The following DENND4B variants were observed in gnomAD, a reference collection of about 807,000 sequenced individuals.
DENND4B encodes the protein DENN domain-containing protein 4B.
A neutral mutation model predicts 161.0 loss-of-function variants in DENND4B; 67 were observed. The observed-to-expected ratio is 0.42, with a 90% CI of 0.34 to 0.51. The LOEUF is 0.51. Among genes scored for constraint, DENND4B ranks in the 20% least tolerant of loss-of-function variants. DENND4B has a pLI of 0.08. For missense variants in DENND4B, 1,481 were observed against 1,968.0 expected, an observed-to-expected ratio of 0.75 and a Z score of 4.68; for synonymous variants, 753 against 813.8, an observed-to-expected ratio of 0.93 and a Z score of 1.27.
rs1557852421 is a variant in DENND4B at position 153,937,638 on chromosome 1, A to G, written c.2106-24T>C. 1.9e-6 allele frequency: 3 copies of G among 1,611,874 alleles called. No homozygotes were observed. The highest frequency in any genetic ancestry group is 1.7e-6 in the Non-Finnish European group (2 of 1,178,372). On this transcript the variant is annotated intron_variant, in intron 14 of 27. Transcript: ENST00000361217. The surrounding 1 kb of genome is among the most constrained non-coding windows in gnomAD (Gnocchi z 4.7). ...AGCTGGAGGGGCAGAGAGAAGCAAC[A>G]TCGGGGCAGTCAGCACAGGGCGAAG... is the stretch of plus-strand genomic sequence containing the variant.
At chr1:153,935,411 A>G (rs1464331688) in intron 17 of DENND4B, among the ~76,000 whole-genome samples, 2 of 152,186 alleles carry the variant, frequency 1.3e-5, no homozygotes, top group African/African-American at 4.8e-5. Flanking sequence ...CAGTGGCGCA[A>G]TCTTGGCTCA....
chr1:153,932,219 C>G lies in DENND4B; in HGVS notation c.3981G>C (p.Gly1327=). 3 of 1,613,740 alleles carry G rather than the reference C, an allele frequency of 1.9e-6. No homozygotes were observed. Among genetic ancestry groups the G allele is most frequent in the Non-Finnish European group, 2.5e-6 (3 of 1,179,776 alleles). Residue 1327 remains glycine (G), a synonymous_variant, in exon 24 of 28, where the codon GGG becomes GGC. Transcript: ENST00000361217. The surrounding 1 kb of genome is among the most constrained non-coding windows in gnomAD (Gnocchi z 5.8). The part of the protein sequence containing the change: ...LPGLVLASCD[G]PSHSQAPSPW... Reference sequence around the variant, plus strand: ...GGGCACTGACCTGGGAGTGCGAAGGCCCATCACAGGAGGCCAGCACCAGGC... The same window carrying G: ...GGGCACTGACCTGGGAGTGCGAAGGGCCATCACAGGAGGCCAGCACCAGGC...
Position 153,930,658 on chromosome 1 carries a change from C to T in DENND4B, c.4280+34G>A, listed in dbSNP as rs1290138921. ...GAGAAAAGGGGTGTGGAGCCCCGGA[C>T]AGACCAGGGATCACCCAGATGGTAG... On this transcript the variant is annotated intron_variant, in intron 26 of 27. Transcript: ENST00000361217. The surrounding 1 kb of genome is among the most constrained non-coding windows in gnomAD (Gnocchi z 4.7). The T allele has an allele frequency of 6.2e-7, 1 of 1,613,556 alleles. No homozygotes were observed. The highest frequency in any genetic ancestry group is 1.6e-4 in the Middle Eastern group (1 of 6,062).
At chr1:153,941,578 C>A in intron 6 of DENND4B, 138 bp from the exon 7 acceptor site, 1 of 1,162,430 alleles carries the variant, frequency 8.6e-7, no homozygotes, top group Non-Finnish European at 1.2e-6. Context: ...TATCAGCCAA[C>A]AGAACCTCCA....
At chr1:153,941,784 C>G (rs1359037498) in intron 6 of DENND4B, 85 bp downstream of exon 6, 1 of 1,041,134 alleles carries the variant, frequency 9.6e-7, no homozygotes, top group Non-Finnish European at 1.4e-6. Context: ...AGCCCTCCCC[C>G]CACCCACATC....
chr1:153,940,915 C>A lies in DENND4B; in HGVS notation c.1315G>T (p.Ala439Ser). Residue 439 changes from alanine to serine, a missense_variant, in exon 9 of 28, where the codon GCC becomes TCC. This residue lies in a region of DENND4B where 806 missense variants were observed against 1,134.4 expected (regional missense o/e 0.71). Transcript: ENST00000361217. This position sits in a 1 kb window ranked among gnomAD's most constrained non-coding sequence, Gnocchi z 5.6. The stretch of plus-strand genomic sequence containing the variant: ...GGGGCGGCACTCACCGAGACGAGGG[C>A]CTCACAGACGCTGGTGAGCAGGTCT... ...RPDLLTSVCE[A>S]LVSMIFPLHW... 1 of 1,574,768 alleles carries A rather than the reference C, an allele frequency of 6.4e-7. No individual in the cohort carries two copies. Among genetic ancestry groups the A allele is most frequent in the Non-Finnish European group, 8.6e-7 (1 of 1,164,180 alleles).
Position 153,936,765 on chromosome 1 carries a change from A to G in DENND4B, c.2233-17T>C. On this transcript the variant is annotated splice_polypyrimidine_tract_variant and intron_variant, in intron 15 of 27. Coordinates refer to ENST00000361217, the MANE Select transcript of DENND4B (RefSeq NM_014856.3). This position sits in a 1 kb window ranked among gnomAD's most constrained non-coding sequence, Gnocchi z 4.1. The stretch of plus-strand genomic sequence containing the variant: ...TTTCATCTCCTAGGTAGGACAGGGG[A>G]CACATCAGGGTGAGTACAATGCCAG... 6.4e-7 allele frequency: 1 copy of G among 1,559,330 alleles called. No homozygotes were observed. Among genetic ancestry groups the G allele is most frequent in the Non-Finnish European group, 8.7e-7 (1 of 1,149,472 alleles).
chr1:153,936,127 C>T lies in DENND4B; in HGVS notation c.2501G>A (p.Arg834Gln), dbSNP rs572456038. 8 of 1,611,688 alleles carry T rather than the reference C, an allele frequency of 5.0e-6. No homozygotes were observed. The highest frequency in any genetic ancestry group is 2.2e-5 in the East Asian group (1 of 44,788). ...TGCCTGACGCATCTCCAGCATGACC[C>T]GCACAGACAGCACAGGCTGCCCATA... Reference protein sequence around the residue: ...SHYGQPVLSVRVMLEMRQAGI... With the variant: ...SHYGQPVLSVQVMLEMRQAGI... Residue 834 changes from arginine to glutamine, a missense_variant, in exon 17 of 28, where the codon CGG becomes CAG. By Grantham distance (43) the Arg-to-Gln change is conservative (BLOSUM62 1). Transcript: ENST00000361217. The surrounding 1 kb of genome is among the most constrained non-coding windows in gnomAD (Gnocchi z 4.1).
chr1:153,931,417 C>T (rs1448783299), intron 24 of DENND4B, among the ~76,000 whole-genome samples: 2 of 151,932 alleles, frequency 1.3e-5, no homozygotes, highest in East Asian at 3.9e-4. Context: ...TACAGATGAC[C>T]AAATTGAGGC....
chr1:153,932,758 C>G lies in DENND4B; in HGVS notation c.3643G>C (p.Ala1215Pro). Reference protein sequence around the residue: ...SRPSVPSPKSAGASGSKDAPV... With the variant: ...SRPSVPSPKSPGASGSKDAPV... ...GCATCTTTGCTGCCACTGGCACCAGCAGATTTGGGGCTGGGGACACTGCAG... is the reference window on the plus strand; with the variant it reads ...GCATCTTTGCTGCCACTGGCACCAGGAGATTTGGGGCTGGGGACACTGCAG... Residue 1215 changes from alanine to proline, a missense_variant, in exon 23 of 28, where the codon GCT becomes CCT. By Grantham distance (27) the Ala-to-Pro change is conservative. Coordinates refer to ENST00000361217, the MANE Select transcript of DENND4B (RefSeq NM_014856.3). The surrounding 1 kb of genome is among the most constrained non-coding windows in gnomAD (Gnocchi z 5.8). 1 of 1,614,038 alleles carries G rather than the reference C, an allele frequency of 6.2e-7. No homozygotes were observed. Among genetic ancestry groups the G allele is most frequent in the Non-Finnish European group, 8.5e-7 (1 of 1,179,894 alleles).
chr1:153,938,078 C>A (rs1186621181), intron 13 of DENND4B, among the ~76,000 whole-genome samples: 3 of 152,198 alleles, frequency 2.0e-5, no homozygotes, highest in African/African-American at 7.2e-5. Context: ...CCAGAAGTGC[C>A]ATCCCAGTCA....
chr1:153,942,573 G>C lies in DENND4B; in HGVS notation c.623C>G (p.Thr208Arg). ...CYKVGLAKANTLVYEAELLGR... is the reference protein window; with the variant it reads ...CYKVGLAKANRLVYEAELLGR... ...CCACTCACCTGCCTCGTACACCAGC[G>C]TGTTGGCCTTCGCCAGGCCCACCTT... The change falls in exon 4 of 28, where the codon ACG becomes AGG. Residue 208 changes from threonine (T) to arginine (R), a missense_variant. By Grantham distance (71) the Thr-to-Arg change is moderately conservative (BLOSUM62 -1). This residue lies in a region of DENND4B where 806 missense variants were observed against 1,134.4 expected (regional missense o/e 0.71). Coordinates refer to ENST00000361217, the MANE Select transcript of DENND4B (RefSeq NM_014856.3). The surrounding 1 kb of genome is among the most constrained non-coding windows in gnomAD (Gnocchi z 6.9). The C allele has an allele frequency of 6.3e-7, 1 of 1,598,242 alleles. No homozygotes were observed. Among genetic ancestry groups the C allele is most frequent in the Non-Finnish European group, 8.5e-7 (1 of 1,172,184 alleles).
In DENND4B at chr1:153,929,755, C is replaced by T. The variant is rs1473842727; in HGVS notation, c.*542G>A. 2.6e-5 allele frequency: 4 copies of T among 152,502 alleles called. No homozygotes were observed. The highest frequency in any genetic ancestry group is 9.7e-5 in the African/African-American group (4 of 41,392). The allele number at this position is 152,502 out of a possible 1,614,324, so 9.4% of individuals were successfully genotyped here. A position where few individuals can be genotyped will look rare whatever the true frequency, so the allele number is the denominator to read the frequency against. ...CTATTTCCCTTCCCTTTCTCACTCTCCATAAGAACCTCATAAGCAAGGGGG... is the reference window on the plus strand; with the variant it reads ...CTATTTCCCTTCCCTTTCTCACTCTTCATAAGAACCTCATAAGCAAGGGGG... On this transcript the variant is annotated 3_prime_UTR_variant, in exon 28 of 28. Transcript: ENST00000361217.
At position 153,930,748 on chromosome 1, in the gene DENND4B, A is replaced by G. The variant is rs1484443603; in HGVS notation, c.4224T>C (p.Ala1408=). 1 of 1,611,020 alleles carries G rather than the reference A, an allele frequency of 6.2e-7. No homozygotes were observed. Among genetic ancestry groups the G allele is most frequent in the Non-Finnish European group, 8.5e-7 (1 of 1,178,604 alleles). The change falls in exon 26 of 28, where the codon GCT becomes GCC. Residue 1408 remains alanine (A), a synonymous_variant. Transcript: ENST00000361217. The surrounding 1 kb of genome is among the most constrained non-coding windows in gnomAD (Gnocchi z 4.7). ...CTAGAGTTTCCAGCAGGAGCCCCAC[A>G]GCCTTGTGCACTTCATTGAGTCCAA... The part of the protein sequence containing the change: ...RHVGLNEVHK[A]VGLLLETLGP...
Position 153,944,236 on chromosome 1 carries a change from T to C in DENND4B, c.139A>G (p.Ile47Val). ...PLRPPRPAEP[I>V]TDVAVIARAL... ...CTAGCGATGACTGCCACATCTGTGA[T>C]GGGCTCAGCTGGCCGGGGAGGGCGC... Residue 47 changes from isoleucine to valine, a missense_variant, in exon 2 of 28, where the codon ATC becomes GTC. Ile to Val is a conservative substitution (Grantham distance 29). Coordinates refer to ENST00000361217, the MANE Select transcript of DENND4B (RefSeq NM_014856.3). The surrounding 1 kb of genome is among the most constrained non-coding windows in gnomAD (Gnocchi z 4.8). The C allele has an allele frequency of 6.2e-7, 1 of 1,603,166 alleles. No homozygotes were observed. The highest frequency in any genetic ancestry group is 8.5e-7 in the Non-Finnish European group (1 of 1,174,246).
intron 24 of DENND4B, among the ~76,000 whole-genome samples, chr1:153,931,841 T>G (rs1381947592): frequency 1.3e-5 from 2 of 148,414 alleles, no homozygotes; most frequent in African/African-American, 5.0e-5. Flanking sequence ...TTTGCTCTTG[T>G]TGCTCAGGCT....
At position 153,942,086 on chromosome 1, in the gene DENND4B, C is replaced by T. The variant is rs1047279143; in HGVS notation, c.838G>A (p.Glu280Lys). 6 of 1,613,096 alleles carry T rather than the reference C, an allele frequency of 3.7e-6. No individual in the cohort carries two copies. Among genetic ancestry groups the T allele is most frequent in the Admixed American group, 1.7e-5 (1 of 59,882 alleles). The change falls in exon 6 of 28, where the codon GAG (glutamate) becomes AAG (lysine). Residue 280 changes from glutamate to lysine, a missense_variant. By Grantham distance (56) the Glu-to-Lys change is moderately conservative. Around this residue, in one of 3 missense-constraint regions of DENND4B, gnomAD observed 806 missense variants for 1,134.4 expected, o/e 0.71. Transcript: ENST00000361217. The surrounding 1 kb of genome is among the most constrained non-coding windows in gnomAD (Gnocchi z 6.9). ...GATAGCCTGGCCCTTGGGAACGCCT[C>T]GTAGAACTGCAGGGCGGCACCATAC... ...KVYGAALQFY[E>K]AFPRARLSER...
chr1:153,933,741 G>A lies in DENND4B; in HGVS notation c.3072C>T (p.Ala1024=). ...GGGCCTCAGTGGACTGGGCACTCAG[G>A]GCTGAGCCTGAGCCCCCTGGGCTGC... ...PGGSPGGSGS[A]LSAQSTEALE... Residue 1024 remains alanine, a synonymous_variant, in exon 20 of 28, where the codon GCC becomes GCT. Transcript: ENST00000361217. This position sits in a 1 kb window ranked among gnomAD's most constrained non-coding sequence, Gnocchi z 5.7. 6.3e-7 allele frequency: 1 copy of A among 1,598,920 alleles called. No homozygotes were observed. The highest frequency in any genetic ancestry group is 8.5e-7 in the Non-Finnish European group (1 of 1,173,282).
Position 153,934,549 on chromosome 1 carries a change from C to G in DENND4B, c.2773+211G>C, listed in dbSNP as rs1348128802. ...CTCTGCCTCCTGGGTTCAAGTGATTCTCCTGCCTCAGTCTCCCAAGTAGCT... is the reference window on the plus strand; with the variant it reads ...CTCTGCCTCCTGGGTTCAAGTGATTGTCCTGCCTCAGTCTCCCAAGTAGCT... On this transcript the variant is annotated intron_variant, in intron 18 of 27. Coordinates refer to ENST00000361217, the MANE Select transcript of DENND4B (RefSeq NM_014856.3). The surrounding 1 kb of genome is among the most constrained non-coding windows in gnomAD (Gnocchi z 5.3). Among the ~76,000 whole-genome samples, 2 of 152,146 alleles carry G rather than the reference C, an allele frequency of 1.3e-5. No individual in the cohort carries two copies. The highest frequency in any genetic ancestry group is 1.9e-4 in the East Asian group (1 of 5,186).
Sources: allele counts gnomAD v4.1 joint callset (sites outside exome capture counted in the v4.1 genomes callset), GRCh38; gene constraint gnomAD v4.1.1; regional missense constraint gnomAD v4.1.1; non-coding constraint Gnocchi (gnomAD v3.1); transcripts MANE v1.5; gene names NCBI Gene and HGNC (gene_info 2026-07-23, HGNC 2026-07-21).